Variants in HECW1 observed in about 807,000 individuals in gnomAD.
HECW1 encodes E3 ubiquitin-protein ligase HECW1.
A neutral mutation model predicts 182.3 loss-of-function variants in HECW1; 61 were observed. That is an observed-to-expected ratio of 0.33 (90% CI 0.27 to 0.41). HECW1 has a LOEUF of 0.41. HECW1 is among the 10% of genes least tolerant of loss of function. HECW1 has a pLI of 1.00. For synonymous variants in HECW1, 859 were observed against 832.6 expected, an observed-to-expected ratio of 1.03 and a Z score of -0.55; for missense variants, 1,739 against 2,108.9, an observed-to-expected ratio of 0.82 and a Z score of 3.44.
chr7:43,139,127 A>G (rs1787887343), intron 2 of HECW1, among the ~76,000 whole-genome samples: 1 of 151,746 alleles, frequency 6.6e-6, no homozygotes, highest in African/African-American at 2.4e-5. Flanking sequence ...TTTATTCTTA[A>G]TGAGCAGCTC....
chr7:43,538,144 A>C (rs1368195924), intron 24 of HECW1, among the ~76,000 whole-genome samples: 1 of 152,216 alleles, frequency 6.6e-6, no homozygotes, highest in African/African-American at 2.4e-5. Context: ...ATTTAGACCT[A>C]GGTCAGAGGG....
chr7:43,212,372 C>T (rs1796078008), intron 2 of HECW1, among the ~76,000 whole-genome samples: 1 of 152,128 alleles, frequency 6.6e-6, no homozygotes. Flanking sequence ...TATTACTAAA[C>T]AAAATTATAT....
chr7:43,340,859 C>T (rs935645260), intron 5 of HECW1, among the ~76,000 whole-genome samples: 11 of 151,660 alleles, frequency 7.3e-5, no homozygotes, highest in Admixed American at 7.2e-4. Flanking sequence ...CACATGCACA[C>T]GTATGTTTAT....
At chr7:43,441,960 G>T (rs1228425727) in intron 9 of HECW1, among the ~76,000 whole-genome samples, 1 of 152,178 alleles carries the variant, frequency 6.6e-6, no homozygotes, top group East Asian at 1.9e-4. Context: ...GCTTTACAAT[G>T]AATTCAGCAG....
chr7:43,251,558 C>T lies in HECW1; in HGVS notation c.27+7626C>T, dbSNP rs555536509. On this transcript the variant is annotated intron_variant, in intron 3 of 29. Transcript: ENST00000395891. ...CTCGAACTCCTGACCTCAGGTGATCCGCCCACCTTGGCCTCCCAAAGTGCT... is the reference window on the plus strand; with the variant it reads ...CTCGAACTCCTGACCTCAGGTGATCTGCCCACCTTGGCCTCCCAAAGTGCT... Among the ~76,000 whole-genome samples, 20 of 152,258 alleles carry T rather than the reference C, an allele frequency of 1.3e-4. No individual in the cohort carries two copies. The East Asian group carries it at 3.3e-3, about 25-fold the overall frequency.
At chr7:43,435,361 C>T (rs1461691535) in intron 8 of HECW1, among the ~76,000 whole-genome samples, 1 of 152,106 alleles carries the variant, frequency 6.6e-6, no homozygotes, top group African/African-American at 2.4e-5. Flanking sequence ...AGTACCTATT[C>T]CTGGGTTGGA....
chr7:43,148,555 G>A (rs1319851751), intron 2 of HECW1: 2 of 151,770 alleles, frequency 1.3e-5, no homozygotes, highest in Non-Finnish European at 2.9e-5. Flanking sequence ...CAGGTTCAGA[G>A]AGGTTAAGTA....
intron 6 of HECW1, among the ~76,000 whole-genome samples, chr7:43,375,736 T>C (rs2074295102): frequency 6.6e-6 from 1 of 151,408 alleles, no homozygotes; most frequent in Non-Finnish European, 1.5e-5. Context: ...CTACAAAAAC[T>C]ACAAAAATTA....
chr7:43,442,233 A>G (rs926098998), intron 9 of HECW1, among the ~76,000 whole-genome samples: 2 of 152,250 alleles, frequency 1.3e-5, no homozygotes, highest in Non-Finnish European at 2.9e-5. Context: ...TAAGTGTTCC[A>G]AGCACTTTTA....
At chr7:43,383,551 A>T (rs10271615) in intron 6 of HECW1, among the ~76,000 whole-genome samples, 96,670 of 152,164 alleles carry the variant, frequency 0.64, 31,072 homozygotes, top group African/African-American at 0.72. Flanking sequence ...GAGCTTTTTT[A>T]CATATGTTTA....
intron 16 of HECW1, 76 bp from the exon 17 acceptor site, chr7:43,479,534 A>T: frequency 6.4e-7 from 1 of 1,553,528 alleles, no homozygotes; most frequent in South Asian, 1.1e-5. Flanking sequence ...GCCCTGTAGC[A>T]CTCCTGTATA....
intron 5 of HECW1, among the ~76,000 whole-genome samples, chr7:43,344,028 T>A (rs1212665479): frequency 6.6e-6 from 1 of 151,862 alleles, no homozygotes; most frequent in Non-Finnish European, 1.5e-5. Context: ...CATTTCTTCG[T>A]GTGTCTGTTG....
chr7:43,165,466 A>G (rs1261423208), intron 2 of HECW1, among the ~76,000 whole-genome samples: 1 of 152,044 alleles, frequency 6.6e-6, no homozygotes, highest in Admixed American at 6.6e-5. Context: ...CTCTAATGAC[A>G]TCAAAGGTCA....
chr7:43,360,786 G>A, intron 5 of HECW1, 100 bp from the exon 6 acceptor site: 10 of 863,172 alleles, frequency 1.2e-5, no homozygotes, highest in Non-Finnish European at 2.0e-5. Context: ...TGCTCGTGGG[G>A]GAATTATGTT....
In HECW1 at chr7:43,562,336, T is replaced by C. The variant is rs2082229439; in HGVS notation, c.*410T>C. On this transcript the variant is annotated 3_prime_UTR_variant, in exon 30 of 30. Transcript: ENST00000395891. ...CACTCCAGGCTTTCATATGCCCATG[T>C]CTTCTGAGCAGAGCCACCATTTTTT... The C allele has an allele frequency of 4.3e-6, 1 of 233,066 alleles. No homozygotes were observed. Among genetic ancestry groups the C allele is most frequent in the Non-Finnish European group, 8.5e-6 (1 of 118,150 alleles). 14.4% of individuals were successfully genotyped at this position (233,066 alleles called of 1,614,324 possible).
chr7:43,278,582 G>T (rs1028764489), intron 3 of HECW1, among the ~76,000 whole-genome samples: 2 of 151,966 alleles, frequency 1.3e-5, no homozygotes, highest in Non-Finnish European at 1.5e-5. Context: ...CATGGCCTCC[G>T]AGGCTCTATG....
intron 2 of HECW1, among the ~76,000 whole-genome samples, chr7:43,176,562 TG>T (rs1792270712): frequency 6.6e-6 from 1 of 152,162 alleles, no homozygotes. Flanking sequence ...CTTCACACAG[TG>T]GGGGGCTCAC....
At chr7:43,301,430 A>T (rs1806769071) in intron 3 of HECW1, among the ~76,000 whole-genome samples, 1 of 152,148 alleles carries the variant, frequency 6.6e-6, no homozygotes, top group African/African-American at 2.4e-5. Context: ...CCATTGTGTC[A>T]TAGTTGACTG....
At chr7:43,505,985 T>A (rs1026240677) in intron 21 of HECW1, among the ~76,000 whole-genome samples, 3 of 152,226 alleles carry the variant, frequency 2.0e-5, no homozygotes, top group Non-Finnish European at 2.9e-5. Context: ...TCTGACCACC[T>A]TTAAAACTTG....
Sources: allele counts gnomAD v4.1 joint callset (sites outside exome capture counted in the v4.1 genomes callset), GRCh38; gene constraint gnomAD v4.1.1; transcripts MANE v1.5; gene names NCBI Gene and HGNC (gene_info 2026-07-23, HGNC 2026-07-21).